Variants in TBC1D4 observed in about 807,000 individuals in gnomAD.
TBC1D4 encodes the protein TBC (Tre-2, BUB2, CDC16) domain-containing protein.
TBC1D4 carries 121 observed loss-of-function variants against 142.5 expected under a neutral mutation model. The observed-to-expected ratio is 0.85, with a 90% confidence interval of 0.73 to 0.99. TBC1D4 has a LOEUF of 0.99. TBC1D4 is among the 50% of genes least tolerant of loss of function. The pLI, the probability that TBC1D4 is intolerant of heterozygous loss-of-function variation, is 0.00. For missense variants in TBC1D4, 1,475 were observed against 1,606.6 expected (o/e 0.92, Z 1.40); for synonymous variants, 630 against 628.2 (o/e 1.00, Z -0.04).
At chr13:75,471,385 G>A (rs1185844948) in intron 1 of TBC1D4, among the ~76,000 whole-genome samples, 1 of 152,166 alleles carries the variant, frequency 6.6e-6, no homozygotes, top group Non-Finnish European at 1.5e-5. Flanking sequence ...AAACATAAAG[G>A]GGTATCTATA....
chr13:75,296,425 A>C (rs1875934914), intron 17 of TBC1D4, among the ~76,000 whole-genome samples: 1 of 152,244 alleles, frequency 6.6e-6, no homozygotes, highest in Admixed American at 6.5e-5. Context: ...GATTATAAAA[A>C]GAAGCAATAC....
intron 10 of TBC1D4, 55 bp from the exon 11 acceptor site, chr13:75,324,456 C>A: frequency 6.3e-7 from 1 of 1,595,456 alleles, no homozygotes; most frequent in Non-Finnish European, 8.6e-7. Context: ...ACAAAATCTT[C>A]ATTCACTATG....
At position 75,440,994 on chromosome 13, in the gene TBC1D4, C is replaced by T. The variant is rs771799035; in HGVS notation, c.498+40276G>A. 2.6e-5 allele frequency among the ~76,000 whole-genome samples: 4 copies of T among 152,216 alleles called. No homozygotes were observed. In the East Asian group the frequency reaches 5.8e-4, roughly 22 times the overall value. Reference sequence around the variant, plus strand: ...GAGGACAGGCCAGGCACGGTGCTCACGCCTGTAATTCCAACACTTTGGGAG... The same window carrying T: ...GAGGACAGGCCAGGCACGGTGCTCATGCCTGTAATTCCAACACTTTGGGAG... On this transcript the variant is annotated intron_variant, in intron 1 of 20. Coordinates refer to ENST00000377636, the MANE Select transcript of TBC1D4 (RefSeq NM_014832.5).
rs78025268 is a variant in TBC1D4, at chr13:75,380,972, T to C, written c.499-18365A>G. On this transcript the variant is annotated intron_variant, in intron 1 of 20. Coordinates refer to ENST00000377636, the MANE Select transcript of TBC1D4 (RefSeq NM_014832.5). Reference sequence around the variant, plus strand: ...GACAGATCTGGGTTCCATTCCCAGCTAGATCACTTACTATGTGATTTTTGG... The same window carrying C: ...GACAGATCTGGGTTCCATTCCCAGCCAGATCACTTACTATGTGATTTTTGG... 3.4e-3 allele frequency among the ~76,000 whole-genome samples: 514 copies of C among 152,304 alleles called. 3 individuals carry two copies. The highest frequency in any genetic ancestry group is 0.012 in the African/African-American group (500 of 41,560).
chr13:75,326,218 T>G lies in TBC1D4; in HGVS notation c.2012A>C (p.Gln671Pro). 1 of 1,614,190 alleles carries G rather than the reference T, an allele frequency of 6.2e-7. No homozygotes were observed. The highest frequency in any genetic ancestry group is 8.5e-7 in the Non-Finnish European group (1 of 1,180,032). ...AQGVRSPLLR[Q>P]SSSEQCSNLS... ...TCACCTGCACTGTTCACTGGAGCTCTGCCTCAGCAGAGGGGAACGCACACC... is the reference window on the plus strand; with the variant it reads ...TCACCTGCACTGTTCACTGGAGCTCGGCCTCAGCAGAGGGGAACGCACACC... Residue 671 changes from glutamine (Q) to proline (P), a missense_variant, in exon 10 of 21, where the codon CAG (glutamine) becomes CCG (proline). Gln to Pro is a moderately conservative substitution (Grantham distance 76, BLOSUM62 -1). Transcript: ENST00000377636.
At chr13:75,331,965 A>G (rs1434113544) in intron 8 of TBC1D4, among the ~76,000 whole-genome samples, 1 of 152,176 alleles carries the variant, frequency 6.6e-6, no homozygotes, top group Non-Finnish European at 1.5e-5. Flanking sequence ...CACACGGTAC[A>G]AGCAAGACCT....
intron 1 of TBC1D4, among the ~76,000 whole-genome samples, chr13:75,471,958 T>A (rs2138328581): frequency 6.6e-6 from 1 of 151,276 alleles, no homozygotes; most frequent in African/African-American, 2.4e-5. Context: ...AATACAAAAA[T>A]TTGCCGGACA....
chr13:75,473,668 C>G (rs997375624), intron 1 of TBC1D4, among the ~76,000 whole-genome samples: 42 of 152,174 alleles, frequency 2.8e-4, no homozygotes, highest in African/African-American at 1.0e-3. Context: ...CTTTCCAACC[C>G]CAACATCTTG....
chr13:75,361,383 T>G (rs528866850), intron 2 of TBC1D4, among the ~76,000 whole-genome samples: 1 of 152,156 alleles, frequency 6.6e-6, no homozygotes, highest in African/African-American at 2.4e-5. Flanking sequence ...CTTTCTACAA[T>G]TTTTTTGTTG....
intron 7 of TBC1D4, among the ~76,000 whole-genome samples, chr13:75,339,026 A>C (rs1259980106): frequency 6.6e-6 from 1 of 152,166 alleles, no homozygotes; most frequent in Non-Finnish European, 1.5e-5. Flanking sequence ...GAGTCAAATA[A>C]ATGCTTCAAG....
At chr13:75,383,546 T>C (rs1000055968) in intron 1 of TBC1D4, among the ~76,000 whole-genome samples, 1 of 152,214 alleles carries the variant, frequency 6.6e-6, no homozygotes, top group Non-Finnish European at 1.5e-5. Flanking sequence ...TGGTTTTAGT[T>C]ACCTGCAGTA....
chr13:75,462,771 CT>C (rs1364376858), intron 1 of TBC1D4, among the ~76,000 whole-genome samples: 1 of 152,098 alleles, frequency 6.6e-6, no homozygotes, highest in Non-Finnish European at 1.5e-5. Context: ...GGGACCCTGT[CT>C]GGGCCTTGGA....
intron 1 of TBC1D4, among the ~76,000 whole-genome samples, chr13:75,374,651 G>C (rs1267679744): frequency 6.6e-6 from 1 of 151,992 alleles, no homozygotes; most frequent in Non-Finnish European, 1.5e-5. Context: ...GTGATAATGG[G>C]GCCTGAAATA....
chr13:75,309,950 T>C lies in TBC1D4; in HGVS notation c.2585A>G (p.Lys862Arg), dbSNP rs1877570910. 2.5e-6 allele frequency: 4 copies of C among 1,614,082 alleles called. No homozygotes were observed. Among genetic ancestry groups the C allele is most frequent in the Non-Finnish European group, 3.4e-6 (4 of 1,179,954 alleles). ...CTGTTAAAATGGCTAACCTTCAAGT[T>C]TCTGGTTTTCTTTTTCCATTCGAAG... ...LLLRMEKENQ[K>R]LEASRDELQS... Residue 862 changes from lysine (K) to arginine (R), a missense_variant, in exon 14 of 21, where the codon AAA becomes AGA. By Grantham distance (26) the Lys-to-Arg change is conservative (BLOSUM62 2). Transcript: ENST00000377636.
intron 1 of TBC1D4, among the ~76,000 whole-genome samples, chr13:75,446,573 T>C (rs1470913725): frequency 6.6e-6 from 1 of 152,232 alleles, no homozygotes; most frequent in Non-Finnish European, 1.5e-5. Flanking sequence ...CAACAGAGCA[T>C]AAAGGTACAT....
intron 1 of TBC1D4, among the ~76,000 whole-genome samples, chr13:75,382,963 A>T (rs556351609): frequency 1.2e-4 from 18 of 152,350 alleles, no homozygotes; most frequent in Admixed American, 4.6e-4. Context: ...ATTGGACAGC[A>T]CTGCATTAGA....
chr13:75,424,526 G>A (rs9318345), intron 1 of TBC1D4, among the ~76,000 whole-genome samples: 88,556 of 151,796 alleles, frequency 0.58, 29,959 homozygotes, highest in Non-Finnish European at 0.72. Context: ...TAAGATTCAC[G>A]TGGAACCACA....
chr13:75,438,559 A>AC (rs1356287846), intron 1 of TBC1D4, among the ~76,000 whole-genome samples: 4 of 152,210 alleles, frequency 2.6e-5, no homozygotes, highest in Non-Finnish European at 4.4e-5. Context: ...ATGTTCTATA[A>AC]CAATGATAGA....
chr13:75,382,335 T>C (rs1883899995), intron 1 of TBC1D4, among the ~76,000 whole-genome samples: 1 of 152,178 alleles, frequency 6.6e-6, no homozygotes, highest in Non-Finnish European at 1.5e-5. Flanking sequence ...ATTCCAGGTT[T>C]TTCTCTCACT....
Sources: allele counts gnomAD v4.1 joint callset (sites outside exome capture counted in the v4.1 genomes callset), GRCh38; gene constraint gnomAD v4.1.1; transcripts MANE v1.5; gene names NCBI Gene and HGNC (gene_info 2026-07-23, HGNC 2026-07-21).